Variants in MPPE1 observed in about 807,000 individuals in gnomAD.
The protein encoded by MPPE1 is metallo phosphoesterase.
In MPPE1, 28 loss-of-function variants were observed where a neutral mutation model predicts 43.8. The observed-to-expected ratio is 0.64, with a 90% CI of 0.47 to 0.88. The LOEUF (loss-of-function observed/expected upper bound fraction) is 0.88. Ranked by LOEUF, MPPE1 falls within the 40% of genes least tolerant of loss-of-function variation. The pLI, the probability that MPPE1 is intolerant of heterozygous loss-of-function variation, is 0.00. For synonymous variants in MPPE1, 159 were observed against 188.5 expected, an observed-to-expected ratio of 0.84 and a Z score of 1.28; for missense variants, 428 against 492.2, an observed-to-expected ratio of 0.87 and a Z score of 1.23.
At chr18:11,889,718 A>G (rs2037747935) in intron 4 of MPPE1, among the ~76,000 whole-genome samples, 1 of 151,994 alleles carries the variant, frequency 6.6e-6, no homozygotes. Context: ...ACATGCCACC[A>G]TGCCCGGCTA....
intron 3 of MPPE1, among the ~76,000 whole-genome samples, chr18:11,894,277 A>T (rs1298672359): frequency 6.6e-6 from 1 of 151,918 alleles, no homozygotes; most frequent in Non-Finnish European, 1.5e-5. Context: ...AAATACAAAA[A>T]ACCAGCCATG....
intron 4 of MPPE1, among the ~76,000 whole-genome samples, chr18:11,890,387 G>A (rs2037869705): frequency 6.6e-6 from 1 of 152,106 alleles, no homozygotes; most frequent in Admixed American, 6.6e-5. Flanking sequence ...TTGGCTCACT[G>A]GAACCTCTGC....
intron 2 of MPPE1, among the ~76,000 whole-genome samples, chr18:11,897,891 C>T (rs1005650821): frequency 9.2e-5 from 14 of 152,074 alleles, no homozygotes; most frequent in Non-Finnish European, 1.8e-4. Context: ...CACATTGGAC[C>T]CAGAGGCCAG....
chr18:11,900,431 A>G (rs8089894), intron 2 of MPPE1, among the ~76,000 whole-genome samples: 32,513 of 151,920 alleles, frequency 0.21, 5,348 homozygotes, highest in African/African-American at 0.45. Flanking sequence ...ACTTAAACCC[A>G]GGACCTGGAG....
intron 2 of MPPE1, among the ~76,000 whole-genome samples, chr18:11,899,505 C>T (rs529458700): frequency 6.6e-6 from 1 of 152,286 alleles, no homozygotes; most frequent in East Asian, 1.9e-4. Flanking sequence ...GCTTTGCATC[C>T]TGTAAAGAAA....
At chr18:11,891,609 A>G (rs894191301) in intron 4 of MPPE1, 1 of 152,256 alleles carries the variant, frequency 6.6e-6, no homozygotes, top group African/African-American at 2.4e-5. Context: ...GTTTTTACAT[A>G]TAACATTTCC....
At chr18:11,895,116 A>G (rs1043989573) in intron 3 of MPPE1, 1 of 152,104 alleles carries the variant, frequency 6.6e-6, no homozygotes, top group African/African-American at 2.4e-5. Flanking sequence ...CTCCTCCTCT[A>G]CAAAAGGGAA....
At chr18:11,904,902 C>T (rs910899554) in intron 2 of MPPE1, among the ~76,000 whole-genome samples, 8 of 151,736 alleles carry the variant, frequency 5.3e-5, no homozygotes, top group African/African-American at 1.9e-4. Context: ...GAGATTTCAC[C>T]ATAGCACTCC....
chr18:11,904,944 A>G lies in MPPE1; in HGVS notation c.-93+1259T>C, dbSNP rs1378065665. Among the ~76,000 whole-genome samples, 3 of 151,882 alleles carry G rather than the reference A, an allele frequency of 2.0e-5. No homozygotes were observed. In the East Asian group the frequency reaches 5.8e-4, roughly 29 times the overall value. On this transcript the variant is annotated intron_variant, in intron 2 of 10. Transcript: ENST00000588072. ...GGCGACAGAGCGAGACTCCATCTCAAAAAAAAAGAAGAAAAAAAAAGATAA... is the reference window on the plus strand; with the variant it reads ...GGCGACAGAGCGAGACTCCATCTCAGAAAAAAAGAAGAAAAAAAAAGATAA...
chr18:11,894,254 C>T (rs1191725845), intron 3 of MPPE1, among the ~76,000 whole-genome samples: 3 of 151,960 alleles, frequency 2.0e-5, no homozygotes, highest in Non-Finnish European at 4.4e-5. Context: ...TCATGAAACC[C>T]TGTCTCTACT....
At chr18:11,885,898 G>T in intron 9 of MPPE1, 82 bp from the exon 10 acceptor site, 1 of 1,350,968 alleles carries the variant, frequency 7.4e-7, no homozygotes, top group Non-Finnish European at 9.8e-7. Context: ...ACGGCCGCTG[G>T]CCATCGCTTC....
intron 6 of MPPE1, among the ~76,000 whole-genome samples, chr18:11,887,435 C>T (rs1012347451): frequency 6.6e-6 from 1 of 152,186 alleles, no homozygotes; most frequent in African/African-American, 2.4e-5. Context: ...AGAACACAGC[C>T]TGCCACTAGA....
rs145249632 is a variant in MPPE1 at position 11,896,225 on chromosome 18, C to T, written c.281+759G>A. Among the ~76,000 whole-genome samples, 407 of 151,440 alleles carry T rather than the reference C, an allele frequency of 2.7e-3. 3 individuals carry two copies. The highest frequency in any genetic ancestry group is 9.0e-3 in the African/African-American group (370 of 41,246). ...TAAGCGATTCTCCTGCCTCTGCCTC[C>T]GGAGTAGCTGAGATTACAGGCGCCC... On this transcript the variant is annotated intron_variant, in intron 3 of 10. Transcript: ENST00000588072.
chr18:11,886,941 A>G lies in MPPE1; in HGVS notation c.654T>C (p.Ser218=). The G allele has an allele frequency of 4.3e-6, 7 of 1,613,546 alleles. No homozygotes were observed. Among genetic ancestry groups the G allele is most frequent in the Non-Finnish European group, 5.1e-6 (6 of 1,179,748 alleles). Residue 218 remains serine (S), a synonymous_variant, in exon 7 of 11, where the codon TCT becomes TCC. Coordinates refer to ENST00000588072, the MANE Select transcript of MPPE1 (RefSeq NM_023075.6). The surrounding 1 kb of genome is among the most constrained non-coding windows in gnomAD (Gnocchi z 4.1). ...CCTCTCGGGAGCAGTTCAGTCTGTG[A>G]GAAACTTCAATGAGCTCTGCTTCTG... is the stretch of plus-strand genomic sequence containing the variant. ...SETEAELIEV[S]HRLNCSREAR...
rs1173457811 is a variant in MPPE1, at chr18:11,886,748, G to T, written c.709C>A (p.Pro237Thr). 6.2e-7 allele frequency: 1 copy of T among 1,613,418 alleles called. No individual in the cohort carries two copies. The highest frequency in any genetic ancestry group is 2.2e-5 in the East Asian group (1 of 44,878). Residue 237 changes from proline (P) to threonine (T), a missense_variant, in exon 8 of 11, where the codon CCT (proline) becomes ACT (threonine). Physicochemically the swap from Pro to Thr is conservative, Grantham distance 38. Transcript: ENST00000588072. This position sits in a 1 kb window ranked among gnomAD's most constrained non-coding sequence, Gnocchi z 4.1. ...ACAGGGGCAGACGTGGGCAGCAGAGGCCCAGGTCCACACCGGCTGGAGCCA... is the reference window on the plus strand; with the variant it reads ...ACAGGGGCAGACGTGGGCAGCAGAGTCCCAGGTCCACACCGGCTGGAGCCA... ...ARGSSRCGPGPLLPTSAPVLL... is the reference protein window; with the variant it reads ...ARGSSRCGPGTLLPTSAPVLL...
chr18:11,900,861 T>C (rs368853419), intron 2 of MPPE1, among the ~76,000 whole-genome samples: 13 of 148,500 alleles, frequency 8.8e-5, no homozygotes, highest in East Asian at 2.0e-4. Context: ...GAGCCGAGAT[T>C]GCGCCACTGC....
In MPPE1 at chr18:11,884,536, A is replaced by T. The variant is rs369484872; in HGVS notation, c.1100T>A (p.Phe367Tyr). Residue 367 changes from phenylalanine (F) to tyrosine (Y), a missense_variant, in exon 11 of 11, where the codon TTC (phenylalanine) becomes TAC (tyrosine). Phe to Tyr is a conservative substitution (Grantham distance 22). Around this residue, in one of 3 missense-constraint regions of MPPE1, gnomAD observed 379 missense variants for 402.5 expected, o/e 0.94. Transcript: ENST00000588072. ...VLIIYCGVVG[F>Y]LVVLTLTHFG... Reference sequence around the variant, plus strand: ...GTGAGTGAGTGTGAGGACCACAAGGAAGCCCACCACTCCACAGTAGATGAT... The same window carrying T: ...GTGAGTGAGTGTGAGGACCACAAGGTAGCCCACCACTCCACAGTAGATGAT... 81 of 1,613,990 alleles carry T rather than the reference A, an allele frequency of 5.0e-5. No homozygotes were observed. Among genetic ancestry groups the T allele is most frequent in the Non-Finnish European group, 6.7e-5 (79 of 1,180,020 alleles).
chr18:11,888,318 A>C (rs1324849686), intron 6 of MPPE1, among the ~76,000 whole-genome samples: 1 of 152,254 alleles, frequency 6.6e-6, no homozygotes, highest in Non-Finnish European at 1.5e-5. Flanking sequence ...ACGTGAAATT[A>C]GTATATTTTG....
Position 11,884,180 on chromosome 18 carries a change from A to C in MPPE1, c.*265T>G, listed in dbSNP as rs1382934906. The C allele has an allele frequency of 2.5e-6, 1 of 395,550 alleles. No individual in the cohort carries two copies. Among genetic ancestry groups the C allele is most frequent in the East Asian group, 4.4e-5 (1 of 22,630 alleles). 24.5% of individuals were successfully genotyped at this position (395,550 alleles called of 1,614,324 possible). A position where few individuals can be genotyped will look rare whatever the true frequency, so the allele number is the denominator to read the frequency against. The stretch of plus-strand genomic sequence containing the variant: ...GAGTGACGACATTAATAGCATTTAC[A>C]TACTGTACAGATGCAACCTTTGATG... On this transcript the variant is annotated 3_prime_UTR_variant, in exon 11 of 11. Transcript: ENST00000588072.
Sources: gnomAD v4.1 joint callset for allele counts (sites outside exome capture counted in the v4.1 genomes callset) on GRCh38, gnomAD v4.1.1 for gene constraint, gnomAD v4.1.1 regional missense constraint, Gnocchi (gnomAD v3.1) non-coding constraint, MANE v1.5 for transcripts, NCBI Gene and HGNC (gene_info 2026-07-23, HGNC 2026-07-21) for gene names.